The following GTF2E2 variants were observed in gnomAD, a reference collection of about 807,000 sequenced individuals.
The protein encoded by GTF2E2 is general transcription factor IIE subunit 2.
In GTF2E2, 21 loss-of-function variants were observed where a neutral mutation model predicts 40.5. The observed-to-expected ratio is 0.52, with a 90% confidence interval of 0.37 to 0.75. GTF2E2 has a LOEUF of 0.75. Among genes scored for constraint, GTF2E2 ranks in the 30% least tolerant of loss-of-function variants. The probability of loss-of-function intolerance (pLI) is 0.00; values close to 1 mark genes in which losing one functional copy is unlikely to be tolerated. For missense variants in GTF2E2, 298 were observed against 338.4 expected, an observed-to-expected ratio of 0.88 and a Z score of 0.94; for synonymous variants, 117 against 121.6, an observed-to-expected ratio of 0.96 and a Z score of 0.25.
At chr8:30,582,152 A>G (rs1412785824) in intron 6 of GTF2E2, among the ~76,000 whole-genome samples, 1 of 152,020 alleles carries the variant, frequency 6.6e-6, no homozygotes, top group Non-Finnish European at 1.5e-5. Context: ...GCTGGGACCA[A>G]GGTACACACC....
Position 30,596,876 on chromosome 8 carries a change from T to C in GTF2E2, c.643+10181A>G, listed in dbSNP as rs541904807. 182 of 152,398 alleles carry C rather than the reference T, an allele frequency of 1.2e-3. 2 individuals are homozygous for C. The highest frequency in any genetic ancestry group is 2.0e-3 in the Non-Finnish European group (139 of 68,076). The allele number at this position is 152,398 out of a possible 1,614,324, so 9.4% of individuals were successfully genotyped here. Reference sequence around the variant, plus strand: ...TTGTTGCTGCCATGGTTACCCACAATGTACCACCAGCTTCGAACTGTGTTA... The same window carrying C: ...TTGTTGCTGCCATGGTTACCCACAACGTACCACCAGCTTCGAACTGTGTTA... On this transcript the variant is annotated intron_variant, in intron 6 of 7. Coordinates refer to ENST00000355904, the MANE Select transcript of GTF2E2 (RefSeq NM_002095.6).
chr8:30,627,041 T>A (rs73576126), intron 3 of GTF2E2, among the ~76,000 whole-genome samples: 1,693 of 152,256 alleles, frequency 0.011, 35 homozygotes, highest in African/African-American at 0.038. Flanking sequence ...GTGGATAGAA[T>A]CACACCACTG....
intron 2 of GTF2E2, among the ~76,000 whole-genome samples, chr8:30,647,676 T>C (rs1802141474): frequency 6.6e-6 from 1 of 152,204 alleles, no homozygotes; most frequent in African/African-American, 2.4e-5. Flanking sequence ...ACACAAATAA[T>C]ATAACCAACT....
chr8:30,594,321 G>A (rs571344770), intron 6 of GTF2E2, among the ~76,000 whole-genome samples: 2 of 151,262 alleles, frequency 1.3e-5, no homozygotes, highest in African/African-American at 2.4e-5. Context: ...GCAATGGCGC[G>A]ATCTCAGCTC....
chr8:30,624,478 C>T (rs1040752204), intron 3 of GTF2E2, among the ~76,000 whole-genome samples: 6 of 152,086 alleles, frequency 3.9e-5, no homozygotes, highest in African/African-American at 1.2e-4. Context: ...TGGCTTAGGA[C>T]TGACTTCACA....
chr8:30,626,342 G>T (rs191309559), intron 3 of GTF2E2, among the ~76,000 whole-genome samples: 2 of 152,074 alleles, frequency 1.3e-5, no homozygotes, highest in African/African-American at 4.8e-5. Flanking sequence ...AAATTTAGCC[G>T]GGCGTGGTGG....
intron 6 of GTF2E2, among the ~76,000 whole-genome samples, chr8:30,593,051 A>C (rs1452704072): frequency 6.6e-6 from 1 of 152,130 alleles, no homozygotes; most frequent in Non-Finnish European, 1.5e-5. Context: ...AAAATTAGCC[A>C]GGTGTGGTGG....
chr8:30,630,147 C>T (rs1366138171), intron 3 of GTF2E2, among the ~76,000 whole-genome samples: 2 of 152,164 alleles, frequency 1.3e-5, no homozygotes, highest in Non-Finnish European at 2.9e-5. Context: ...TTAACCAGGT[C>T]ACTGAACATA....
intron 2 of GTF2E2, among the ~76,000 whole-genome samples, chr8:30,635,670 A>G (rs1341006109): frequency 6.6e-6 from 1 of 152,162 alleles, no homozygotes; most frequent in East Asian, 1.9e-4. Context: ...GGTGTGAGCT[A>G]CTGCACCAGG....
At chr8:30,614,541 C>CT in intron 4 of GTF2E2, 67 bp downstream of exon 4, 3 of 882,402 alleles carry the variant, frequency 3.4e-6, no homozygotes, top group Non-Finnish European at 5.6e-6. Flanking sequence ...GAGCAAGACT[C>CT]TGTCTTAAAA....
At chr8:30,597,224 A>C (rs1039331196) in intron 6 of GTF2E2, 4 of 152,244 alleles carry the variant, frequency 2.6e-5, no homozygotes, top group African/African-American at 9.7e-5. Flanking sequence ...CAAGGACGAA[A>C]GACTTTTTTT....
chr8:30,638,183 A>G (rs976555661), intron 2 of GTF2E2, among the ~76,000 whole-genome samples: 8 of 152,244 alleles, frequency 5.3e-5, no homozygotes, highest in African/African-American at 1.9e-4. Context: ...ATGAAAGAAA[A>G]GGAAGAACAA....
At chr8:30,605,625 ATT>A (rs35044873) in intron 6 of GTF2E2, among the ~76,000 whole-genome samples, 21 of 148,020 alleles carry the variant, frequency 1.4e-4, no homozygotes, top group African/African-American at 2.2e-4. Flanking sequence ...TATTTCTTAG[ATT>A]TTTTTTTTTT....
At chr8:30,621,701 C>A (rs930044829) in intron 3 of GTF2E2, among the ~76,000 whole-genome samples, 3 of 151,922 alleles carry the variant, frequency 2.0e-5, no homozygotes, top group Admixed American at 1.3e-4. Flanking sequence ...TATTTGGTAA[C>A]CTTACTGAAT....
At chr8:30,633,564 G>A (rs905803445) in intron 3 of GTF2E2, among the ~76,000 whole-genome samples, 2 of 152,154 alleles carry the variant, frequency 1.3e-5, no homozygotes, top group Non-Finnish European at 2.9e-5. Flanking sequence ...AAACTGTAGG[G>A]AGCACAAGTA....
intron 6 of GTF2E2, among the ~76,000 whole-genome samples, chr8:30,601,263 C>A (rs1357156606): frequency 6.6e-6 from 1 of 152,178 alleles, no homozygotes; most frequent in Non-Finnish European, 1.5e-5. Context: ...AGGACAGCAA[C>A]CTCATTCACT....
chr8:30,619,199 C>T (rs1015025223), intron 3 of GTF2E2, among the ~76,000 whole-genome samples: 1 of 151,836 alleles, frequency 6.6e-6, no homozygotes, highest in African/African-American at 2.4e-5. Context: ...CTCAGCCTCC[C>T]GAAGTGTTGG....
At chr8:30,581,199 C>T (rs183226401) in intron 6 of GTF2E2, among the ~76,000 whole-genome samples, 1 of 152,284 alleles carries the variant, frequency 6.6e-6, no homozygotes, top group East Asian at 1.9e-4. Flanking sequence ...AAAGGAAAAG[C>T]TCTCTGAGCC....
chr8:30,651,013 C>CAAT (rs1554563790), intron 2 of GTF2E2, among the ~76,000 whole-genome samples: 7 of 137,276 alleles, frequency 5.1e-5, no homozygotes, highest in Non-Finnish European at 9.4e-5. Context: ...GACTCCGTCT[C>CAAT]AAAAAAAAAA....
Sources: allele counts gnomAD v4.1 joint callset (sites outside exome capture counted in the v4.1 genomes callset), GRCh38; gene constraint gnomAD v4.1.1; transcripts MANE v1.5; gene names NCBI Gene and HGNC (gene_info 2026-07-23, HGNC 2026-07-21).